Variants in ZNF75D observed in about 807,000 individuals in gnomAD.
ZNF75D encodes the protein zinc finger protein 75D.
ZNF75D carries 33 observed loss-of-function variants against 33.3 expected under a neutral mutation model. That is an observed-to-expected ratio of 0.99 (90% CI 0.75 to 1.32). The LOEUF (loss-of-function observed/expected upper bound fraction) is 1.32. Ranked by LOEUF, ZNF75D falls within the 40% of genes most tolerant of loss-of-function variation. The pLI is 0.00. For synonymous variants in ZNF75D, 113 were observed against 130.6 expected (o/e 0.87, Z 0.92); for missense variants, 338 against 367.5 (o/e 0.92, Z 0.66).
At chrX:135,270,880 G>A (rs781890324) in intron 1 of ZNF75D, among the ~76,000 whole-genome samples, 132 of 112,084 alleles carry the variant, frequency 1.2e-3, no homozygotes, top group Non-Finnish European at 1.9e-3. Flanking sequence ...CATGGGAGAG[G>A]CATCTTGCCT....
chrX:135,321,147 A>C (rs1428593657), intron 1 of ZNF75D, among the ~76,000 whole-genome samples: 4 of 111,426 alleles, frequency 3.6e-5, no homozygotes, highest in Non-Finnish European at 7.5e-5. Context: ...CTGTGTCCTC[A>C]TATGGCAGAA....
At chrX:135,260,686 CTT>C (rs1240209295) in intron 1 of ZNF75D, among the ~76,000 whole-genome samples, 1 of 111,982 alleles carries the variant, frequency 8.9e-6, no homozygotes, top group Non-Finnish European at 1.9e-5. Flanking sequence ...ATTCTTCTCT[CTT>C]TTCTTCTTTA....
intron 1 of ZNF75D, among the ~76,000 whole-genome samples, chrX:135,310,220 C>CT (rs1753335788): frequency 8.9e-6 from 1 of 111,979 alleles, no homozygotes; most frequent in African/African-American, 3.2e-5. Flanking sequence ...GCCCTGATGG[C>CT]TTTTTTGTGT....
At chrX:135,279,098 G>A (rs1228933938) in intron 1 of ZNF75D, among the ~76,000 whole-genome samples, 4 of 111,584 alleles carry the variant, frequency 3.6e-5, no homozygotes, top group Admixed American at 9.5e-5. Flanking sequence ...GGTAGAATTC[G>A]GCTGTGAATC....
downstream of ZNF75D, among the ~76,000 whole-genome samples, chrX:135,281,632 C>A (rs915020889): frequency 8.9e-6 from 1 of 111,928 alleles, no homozygotes; most frequent in African/African-American, 3.3e-5. Flanking sequence ...ATTTATCTAC[C>A]TTTGGTCTTT....
At chrX:135,334,776 C>T (rs782347861) in intron 1 of ZNF75D, among the ~76,000 whole-genome samples, 24 of 111,644 alleles carry the variant, frequency 2.1e-4, no homozygotes, top group Non-Finnish European at 3.6e-4. Context: ...CTCTGATCAT[C>T]GCCCAGTGTG....
intron 1 of ZNF75D, among the ~76,000 whole-genome samples, chrX:135,303,300 G>A (rs1272084219): frequency 9.0e-6 from 1 of 110,787 alleles, no homozygotes; most frequent in Non-Finnish European, 1.9e-5. Context: ...GTGTCGGGCT[G>A]GGGGACGGTC....
intron 1 of ZNF75D, among the ~76,000 whole-genome samples, chrX:135,324,706 C>A (rs1234949399): frequency 8.9e-6 from 1 of 112,470 alleles, no homozygotes; most frequent in Non-Finnish European, 1.9e-5. Context: ...ATTAGTATCA[C>A]CGGCAGCAGG....
At chrX:135,338,262 T>C (rs1602669694) in intron 1 of ZNF75D, among the ~76,000 whole-genome samples, 1 of 111,066 alleles carries the variant, frequency 9.0e-6, no homozygotes, top group East Asian at 2.8e-4. Flanking sequence ...GACTCAGAAT[T>C]GTCTCCGCAA....
chrX:135,264,991 C>T (rs781826519), intron 1 of ZNF75D, among the ~76,000 whole-genome samples: 71 of 112,070 alleles, frequency 6.3e-4, no homozygotes, highest in African/African-American at 1.8e-3. Flanking sequence ...GAGGCCAAGG[C>T]GGGCAGATCA....
chrX:135,335,941 T>C (rs11095632), intron 1 of ZNF75D, among the ~76,000 whole-genome samples: 28,132 of 111,370 alleles, frequency 0.25, 2,836 homozygotes, highest in South Asian at 0.43. Context: ...TTTTTGTTTT[T>C]GCTTCCCACC....
At chrX:135,294,639 T>C (rs898762025) in intron 2 of ZNF75D, among the ~76,000 whole-genome samples, 2 of 111,538 alleles carry the variant, frequency 1.8e-5, no homozygotes, top group Non-Finnish European at 3.8e-5. Context: ...TAGGGCCTAT[T>C]TGAGTTTCTC....
intron 1 of ZNF75D, among the ~76,000 whole-genome samples, chrX:135,337,917 T>C (rs1569495949): frequency 1.8e-5 from 2 of 110,184 alleles, no homozygotes; most frequent in Non-Finnish European, 3.8e-5. Context: ...CTCATGTCAA[T>C]TTGGTGTGTG....
At chrX:135,260,118 C>T (rs1458791352) in intron 1 of ZNF75D, among the ~76,000 whole-genome samples, 1 of 112,128 alleles carries the variant, frequency 8.9e-6, no homozygotes, top group South Asian at 3.7e-4. Context: ...ATATGTTGAA[C>T]CAGCCTTGCA....
intron 1 of ZNF75D, among the ~76,000 whole-genome samples, chrX:135,277,507 C>A (rs782148358): frequency 1.8e-5 from 2 of 112,395 alleles, no homozygotes; most frequent in Non-Finnish European, 3.8e-5. Context: ...TCACATTTGT[C>A]AATTTTGGCT....
chrX:135,292,898 G>A (rs2084067351), intron 3 of ZNF75D, among the ~76,000 whole-genome samples: 1 of 112,681 alleles, frequency 8.9e-6, no homozygotes. Flanking sequence ...TTTCCTGTTA[G>A]CCAGTTTCCA....
Position 135,287,134 on chromosome X carries a change from T to C in ZNF75D, c.*3A>G, listed in dbSNP as rs1556419661. ...AAAGTCAAGCTCTACATGGTAACTT[T>C]CCTCAGTTTGGAGACACTAGACATG... On this transcript the variant is annotated 3_prime_UTR_variant, in exon 7 of 7. Coordinates refer to ENST00000370766, the MANE Select transcript of ZNF75D (RefSeq NM_007131.5). The C allele has an allele frequency of 5.1e-6, 6 of 1,187,917 alleles. No individual in the cohort carries two copies. Among genetic ancestry groups the C allele is most frequent in the Non-Finnish European group, 6.8e-6 (6 of 886,686 alleles).
chrX:135,304,527 G>A (rs1458286190), intron 1 of ZNF75D, among the ~76,000 whole-genome samples: 1 of 111,027 alleles, frequency 9.0e-6, no homozygotes, highest in Non-Finnish European at 1.9e-5. Context: ...AAATCCCAGG[G>A]AGAGACCTGT....
chrX:135,292,501 A>C, intron 3 of ZNF75D, 28 bp from the exon 4 acceptor site: 1 of 1,189,853 alleles, frequency 8.4e-7, no homozygotes, highest in South Asian at 1.9e-5. Flanking sequence ...CCTCATTAGC[A>C]CAGAACTTAC....
Sources: allele counts gnomAD v4.1 joint callset (sites outside exome capture counted in the v4.1 genomes callset), GRCh38; gene constraint gnomAD v4.1.1; transcripts MANE v1.5; gene names NCBI Gene and HGNC (gene_info 2026-07-23, HGNC 2026-07-21).